Variants in LRMDA observed in about 807,000 individuals in gnomAD.
LRMDA encodes the protein leucine rich melanocyte differentiation associated.
A neutral mutation model predicts 29.8 loss-of-function variants in LRMDA; 18 were observed. The observed-to-expected ratio is 0.60, with a 90% confidence interval of 0.42 to 0.90. The LOEUF (loss-of-function observed/expected upper bound fraction) is 0.90, where lower values mean the gene tolerates loss of function less well. Ranked by LOEUF, LRMDA falls within the 40% of genes least tolerant of loss-of-function variation. The probability of loss-of-function intolerance (pLI) is 0.00; values close to 1 mark genes in which losing one functional copy is unlikely to be tolerated. For synonymous variants in LRMDA, 125 were observed against 109.4 expected (o/e 1.14, Z -0.89); for missense variants, 273 against 273.9 (o/e 1.00, Z 0.02).
At chr10:75,734,013 C>T (rs1842730540) in intron 2 of LRMDA, among the ~76,000 whole-genome samples, 1 of 152,132 alleles carries the variant, frequency 6.6e-6, no homozygotes. Flanking sequence ...TTGGGCCTCA[C>T]CCAGCTGTTT....
chr10:76,434,543 A>G (rs1449123598), intron 6 of LRMDA, among the ~76,000 whole-genome samples: 2 of 152,052 alleles, frequency 1.3e-5, no homozygotes, highest in African/African-American at 2.4e-5. Flanking sequence ...AAATCCACCC[A>G]CTTACCTACC....
At chr10:75,613,395 G>T (rs569901266) in intron 2 of LRMDA, among the ~76,000 whole-genome samples, 1 of 152,150 alleles carries the variant, frequency 6.6e-6, no homozygotes, top group African/African-American at 2.4e-5. Context: ...CCTAAGAAAC[G>T]GAGAGGATGG....
At chr10:75,684,090 A>G (rs1842055349) in intron 2 of LRMDA, among the ~76,000 whole-genome samples, 1 of 152,194 alleles carries the variant, frequency 6.6e-6, no homozygotes, top group African/African-American at 2.4e-5. Context: ...TGCCATTCCA[A>G]TTTGGCTGAA....
intron 2 of LRMDA, among the ~76,000 whole-genome samples, chr10:75,900,693 A>G (rs1758025222): frequency 6.6e-6 from 1 of 152,210 alleles, no homozygotes; most frequent in Non-Finnish European, 1.5e-5. Flanking sequence ...TGTCAGTCTA[A>G]GTGGACCTCA....
intron 2 of LRMDA, among the ~76,000 whole-genome samples, chr10:75,484,952 AT>A (rs1398308762): frequency 6.6e-6 from 1 of 152,230 alleles, no homozygotes; most frequent in Non-Finnish European, 1.5e-5. Context: ...TTATACTTAC[AT>A]TTGTAAGTAT....
chr10:76,045,274 C>T (rs1446374689), intron 3 of LRMDA, among the ~76,000 whole-genome samples: 1 of 146,354 alleles, frequency 6.8e-6, no homozygotes, highest in African/African-American at 2.6e-5. Flanking sequence ...GCTAGTTTCC[C>T]CCTCTCTGGT....
chr10:76,506,952 T>G (rs1345799532), intron 6 of LRMDA, among the ~76,000 whole-genome samples: 2 of 152,140 alleles, frequency 1.3e-5, no homozygotes, highest in Non-Finnish European at 2.9e-5. Context: ...AATATATTTA[T>G]TTACTTTCTT....
At chr10:75,604,562 C>T (rs1425749542) in intron 2 of LRMDA, among the ~76,000 whole-genome samples, 1 of 152,120 alleles carries the variant, frequency 6.6e-6, no homozygotes, top group Non-Finnish European at 1.5e-5. Flanking sequence ...ATGTTGCTTA[C>T]ACAAGTTTAT....
chr10:75,727,698 TTC>T (rs1479745427), intron 2 of LRMDA, among the ~76,000 whole-genome samples: 1 of 152,242 alleles, frequency 6.6e-6, no homozygotes, highest in African/African-American at 2.4e-5. Flanking sequence ...CTGTGGGTAT[TTC>T]TGTTTCCCTC....
chr10:75,728,620 T>C (rs1395260269), intron 2 of LRMDA, among the ~76,000 whole-genome samples: 1 of 151,986 alleles, frequency 6.6e-6, no homozygotes, highest in Non-Finnish European at 1.5e-5. Flanking sequence ...AGGATGCAGG[T>C]ACTAGGTTAG....
chr10:76,518,566 C>T lies in LRMDA; in HGVS notation c.602-38643C>T, dbSNP rs1160528516. On this transcript the variant is annotated intron_variant, in intron 6 of 6. Transcript: ENST00000611255. ...ATCTACCACTGTCAACAGTAAAAAA[C>T]TCCTGCAACTAAACTATGAAATAAT... 1.3e-5 allele frequency among the ~76,000 whole-genome samples: 2 copies of T among 151,982 alleles called. 1 individual carries two copies. The highest frequency in any genetic ancestry group is 2.9e-5 in the Non-Finnish European group (2 of 67,994).
chr10:76,059,915 C>A (rs996758847), intron 5 of LRMDA, among the ~76,000 whole-genome samples: 3 of 152,102 alleles, frequency 2.0e-5, no homozygotes, highest in African/African-American at 7.2e-5. Flanking sequence ...TGTATTGTTA[C>A]CTCTTTCAGC....
intron 6 of LRMDA, among the ~76,000 whole-genome samples, chr10:76,471,530 G>A (rs1426547447): frequency 1.3e-5 from 2 of 150,934 alleles, no homozygotes; most frequent in East Asian, 1.9e-4. Flanking sequence ...ACACACATGG[G>A]GCATATAGGA....
intron 2 of LRMDA, among the ~76,000 whole-genome samples, chr10:75,703,286 G>A (rs1307886555): frequency 6.6e-6 from 1 of 152,162 alleles, no homozygotes; most frequent in African/African-American, 2.4e-5. Flanking sequence ...GGGTGGGATT[G>A]GGGGACGCAA....
intron 2 of LRMDA, among the ~76,000 whole-genome samples, chr10:75,728,424 CTCTGTGTGTG>C (rs1842655458): frequency 7.6e-6 from 1 of 131,866 alleles, no homozygotes; most frequent in African/African-American, 3.1e-5. Flanking sequence ...TGATACGTGG[CTCTGTGTGTG>C]TGTGTGTGTG....
chr10:75,455,216 T>C (rs576441025), intron 2 of LRMDA, among the ~76,000 whole-genome samples: 2 of 152,318 alleles, frequency 1.3e-5, no homozygotes, highest in South Asian at 2.1e-4. Flanking sequence ...ATAGCGTGAT[T>C]TCCCCAGAAC....
chr10:75,931,479 G>A (rs750861757), intron 2 of LRMDA, among the ~76,000 whole-genome samples: 5 of 152,148 alleles, frequency 3.3e-5, no homozygotes, highest in African/African-American at 1.2e-4. Context: ...GGATATCAGC[G>A]GGGGAATCAT....
intron 6 of LRMDA, among the ~76,000 whole-genome samples, chr10:76,482,919 G>A (rs1039748223): frequency 2.0e-5 from 3 of 151,414 alleles, no homozygotes; most frequent in African/African-American, 7.3e-5. Flanking sequence ...CTCATTTTTG[G>A]CATAATGTTC....
Position 75,605,273 on chromosome 10 carries a change from C to T in LRMDA, c.131+166779C>T, listed in dbSNP as rs552489817. Among the ~76,000 whole-genome samples the T allele has an allele frequency of 6.6e-5, 10 of 152,260 alleles. No individual in the cohort carries two copies. The East Asian group carries it at 1.4e-3, about 21-fold the overall frequency. On this transcript the variant is annotated intron_variant, in intron 2 of 6. Transcript: ENST00000611255. The stretch of plus-strand genomic sequence containing the variant: ...CCTTTCTTCCTGAATGTCTCCCTGA[C>T]GCTGGTTGGATTTTTGATAGCTCAG...
Sources: allele counts gnomAD v4.1 joint callset (sites outside exome capture counted in the v4.1 genomes callset), GRCh38; gene constraint gnomAD v4.1.1; transcripts MANE v1.5; gene names NCBI Gene and HGNC (gene_info 2026-07-23, HGNC 2026-07-21).